The following GRHL1 variants were observed in gnomAD, a reference collection of about 807,000 sequenced individuals.
GRHL1 encodes grainyhead like transcription factor 1.
A neutral mutation model predicts 75.7 loss-of-function variants in GRHL1; 38 were observed. The observed-to-expected ratio is 0.50, with a 90% CI of 0.39 to 0.66. The LOEUF is 0.66. Among genes scored for constraint, GRHL1 ranks in the 30% least tolerant of loss-of-function variants. The probability of loss-of-function intolerance (pLI) is 0.00; values close to 1 mark genes in which losing one functional copy is unlikely to be tolerated. For missense variants in GRHL1, 589 were observed against 767.5 expected (o/e 0.77, Z 2.75); for synonymous variants, 266 against 279.4 (o/e 0.95, Z 0.48).
chr2:9,993,023 T>G lies in GRHL1; in HGVS notation c.1462-184T>G, dbSNP rs566177366. 8.4e-4 allele frequency among the ~76,000 whole-genome samples: 128 copies of G among 152,368 alleles called. 4 individuals carry two copies. In the South Asian group the frequency reaches 0.026, roughly 31 times the overall value. On this transcript the variant is annotated intron_variant, in intron 11 of 15. Coordinates refer to ENST00000324907, the MANE Select transcript of GRHL1 (RefSeq NM_198182.3). ...TACATGAACTGGCTTTAGACCAGAT[T>G]TGGCCCAACCACTGAGTTAAAGGAG...
intron 2 of GRHL1, among the ~76,000 whole-genome samples, chr2:9,958,435 C>T (rs576502806): frequency 7.9e-4 from 120 of 152,180 alleles, no homozygotes; most frequent in Middle Eastern, 3.4e-3. Flanking sequence ...CCACCTTGGC[C>T]TCCCAAAGTG....
At position 9,958,836 on chromosome 2, in the gene GRHL1, T is replaced by C. The variant is rs2125205754; in HGVS notation, c.258T>C (p.Pro86=). 6.2e-7 allele frequency: 1 copy of C among 1,613,766 alleles called. No homozygotes were observed. Among genetic ancestry groups the C allele is most frequent in the Non-Finnish European group, 8.5e-7 (1 of 1,179,702 alleles). Residue 86 remains proline, a synonymous_variant, in exon 3 of 16, where the codon CCT becomes CCC. Coordinates refer to ENST00000324907, the MANE Select transcript of GRHL1 (RefSeq NM_198182.3). ...SSTAKPEVEH[P]EPDHSKRNSI... ...CAGCAAAGCCAGAGGTGGAGCACCCTGAGCCAGATCACAGCAAAAGGTAAC... is the reference window on the plus strand; with the variant it reads ...CAGCAAAGCCAGAGGTGGAGCACCCCGAGCCAGATCACAGCAAAAGGTAAC...
chr2:9,951,924 C>G lies in GRHL1; in HGVS notation c.20+71C>G. ...AGGGGCCGCACCTGCAGCGAGCGAG[C>G]CGGGCGCAGACCCGAGGCCGCGCGG... is the stretch of plus-strand genomic sequence containing the variant. On this transcript the variant is annotated intron_variant, in intron 1 of 15. Coordinates refer to ENST00000324907, the MANE Select transcript of GRHL1 (RefSeq NM_198182.3). This position sits in a 1 kb window ranked among gnomAD's most constrained non-coding sequence, Gnocchi z 4.2. 9.3e-7 allele frequency: 1 copy of G among 1,070,668 alleles called. No homozygotes were observed. 66.3% of individuals were successfully genotyped at this position (1,070,668 alleles called of 1,614,324 possible).
chr2:9,985,537 G>A (rs1668380931), intron 8 of GRHL1, among the ~76,000 whole-genome samples: 1 of 152,330 alleles, frequency 6.6e-6, no homozygotes, highest in African/African-American at 2.4e-5. Flanking sequence ...AATGTGATTT[G>A]ATAACCAAAA....
chr2:9,977,364 A>G (rs1179680788), intron 8 of GRHL1, among the ~76,000 whole-genome samples: 1 of 152,226 alleles, frequency 6.6e-6, no homozygotes, highest in East Asian at 1.9e-4. Flanking sequence ...TCTGTCACTC[A>G]GGCTGGAGTG....
At chr2:9,980,286 G>A (rs983974134) in intron 8 of GRHL1, among the ~76,000 whole-genome samples, 1 of 151,826 alleles carries the variant, frequency 6.6e-6, no homozygotes, top group Admixed American at 6.6e-5. Flanking sequence ...TTATAAATTC[G>A]TTCAAGATCT....
rs1240185666 is a variant in GRHL1, at chr2:9,998,572, A to G, written c.1678-393A>G. 4.0e-5 allele frequency among the ~76,000 whole-genome samples: 3 copies of G among 75,306 alleles called. 1 individual carries two copies. Among genetic ancestry groups the G allele is most frequent in the African/African-American group, 1.7e-4 (3 of 17,766 alleles). 49.4% of individuals were successfully genotyped at this position (75,306 alleles called of 152,430 possible). A position where few individuals can be genotyped will look rare whatever the true frequency, so the allele number is the denominator to read the frequency against. Reference sequence around the variant, plus strand: ...TGTATATATGTGTGTACATGTATATATATACATATGTACATATATATGTAC... The same window carrying G: ...TGTATATATGTGTGTACATGTATATGTATACATATGTACATATATATGTAC... On this transcript the variant is annotated intron_variant, in intron 14 of 15. Transcript: ENST00000324907.
At chr2:9,998,671 C>CAT (rs1307281741) in intron 14 of GRHL1, among the ~76,000 whole-genome samples, 1 of 58,924 alleles carries the variant, frequency 1.7e-5, no homozygotes. Context: ...TATATGTACA[C>CAT]ATATATATAC....
In GRHL1 at chr2:9,992,037, C is replaced by G. The variant is rs553410057; in HGVS notation, c.1352C>G (p.Ser451Cys). Residue 451 changes from serine to cysteine, a missense_variant, in exon 11 of 16, where the codon TCT (serine) becomes TGT (cysteine). This residue lies in a region of GRHL1 where 192 missense variants were observed against 226.6 expected (regional missense o/e 0.85). Coordinates refer to ENST00000324907, the MANE Select transcript of GRHL1 (RefSeq NM_198182.3). The surrounding 1 kb of genome is among the most constrained non-coding windows in gnomAD (Gnocchi z 4.6). ...GATGTTAAAGTGCCACTGCTTCCCTCTCACAAGCGAATGGATATCACAGTT... is the reference window on the plus strand; with the variant it reads ...GATGTTAAAGTGCCACTGCTTCCCTGTCACAAGCGAATGGATATCACAGTT... ...VSDVKVPLLPSHKRMDITVFK... is the reference protein window; with the variant it reads ...VSDVKVPLLPCHKRMDITVFK... 1.2e-6 allele frequency: 2 copies of G among 1,608,898 alleles called. No individual in the cohort carries two copies. The highest frequency in any genetic ancestry group is 2.2e-5 in the East Asian group (1 of 44,808).
chr2:9,978,400 G>A (rs1350464979), intron 8 of GRHL1, among the ~76,000 whole-genome samples: 2 of 152,190 alleles, frequency 1.3e-5, no homozygotes, highest in African/African-American at 4.8e-5. Context: ...AGTAGACGAT[G>A]GAGGAAAGGG....
chr2:9,965,591 AT>A (rs781066851), intron 8 of GRHL1: 114 of 534,160 alleles, frequency 2.1e-4, no homozygotes, highest in Non-Finnish European at 3.7e-4. Flanking sequence ...TGTGTGAAAC[AT>A]TGAGATTAAG....
intron 9 of GRHL1, among the ~76,000 whole-genome samples, chr2:9,989,436 C>A (rs1488525207): frequency 6.6e-6 from 1 of 152,162 alleles, no homozygotes; most frequent in Non-Finnish European, 1.5e-5. Flanking sequence ...GTGTTTGTTA[C>A]TAATATGGTT....
intron 8 of GRHL1, among the ~76,000 whole-genome samples, chr2:9,969,570 G>A (rs59481421): frequency 0.011 from 1,722 of 152,298 alleles, 33 homozygotes; most frequent in African/African-American, 0.039. Flanking sequence ...ATATTATAAC[G>A]TTTGAGTTGG....
At chr2:9,959,091 C>A in intron 3 of GRHL1, 1 of 374,612 alleles carries the variant, frequency 2.7e-6, no homozygotes. Context: ...ACATTCTCCT[C>A]CTCCAAAGGG....
rs1667248917 is a variant in GRHL1 at position 9,961,107 on chromosome 2, G to A, written c.340G>A (p.Val114Ile). 2.5e-6 allele frequency: 4 copies of A among 1,577,640 alleles called. No homozygotes were observed. Among genetic ancestry groups the A allele is most frequent in the Non-Finnish European group, 3.4e-6 (4 of 1,161,068 alleles). The change falls in exon 4 of 16, where the codon GTA becomes ATA. Residue 114 changes from valine (V) to isoleucine (I), a missense_variant. By Grantham distance (29) the Val-to-Ile change is conservative. Around this residue, in one of 5 missense-constraint regions of GRHL1, gnomAD observed 362 missense variants for 461.8 expected, o/e 0.78. Transcript: ENST00000324907. ...LISAGENRVQVLKNVPFNIVL... is the reference protein window; with the variant it reads ...LISAGENRVQILKNVPFNIVL... ...CTCTGCTGGAGAAAACAGAGTGCAA[G>A]TACTGAAAAATGTGCCATTTAACAT... is the stretch of plus-strand genomic sequence containing the variant.
Position 10,000,632 on chromosome 2 carries a change from C to T in GRHL1, c.1782C>T (p.Tyr594=). Residue 594 remains tyrosine, a synonymous_variant, in exon 16 of 16, where the codon TAC becomes TAT. Coordinates refer to ENST00000324907, the MANE Select transcript of GRHL1 (RefSeq NM_198182.3). ...VNMDDNIVKH[Y]SNEDTFQLQI... ...TGGACGACAACATTGTGAAGCATTACTCCAATGAGGACACCTTCCAGCTGC... is the reference window on the plus strand; with the variant it reads ...TGGACGACAACATTGTGAAGCATTATTCCAATGAGGACACCTTCCAGCTGC... 6.2e-7 allele frequency: 1 copy of T among 1,613,352 alleles called. No homozygotes were observed. The highest frequency in any genetic ancestry group is 1.7e-5 in the Admixed American group (1 of 60,008).
intron 14 of GRHL1, among the ~76,000 whole-genome samples, chr2:9,998,221 T>A (rs897739037): frequency 6.6e-6 from 1 of 152,002 alleles, no homozygotes; most frequent in African/African-American, 2.4e-5. Flanking sequence ...CTGTTTGTCC[T>A]TGGAGCAATT....
intron 2 of GRHL1, among the ~76,000 whole-genome samples, chr2:9,957,954 C>T (rs1033760151): frequency 6.6e-6 from 1 of 152,114 alleles, no homozygotes; most frequent in Admixed American, 6.5e-5. Flanking sequence ...TGAATCCCAG[C>T]GTATCTAAAG....
At chr2:9,970,996 T>G (rs1667701054) in intron 8 of GRHL1, among the ~76,000 whole-genome samples, 1 of 152,092 alleles carries the variant, frequency 6.6e-6, no homozygotes, top group Non-Finnish European at 1.5e-5. Flanking sequence ...GAGTTCTTGG[T>G]GAGGGATTAT....
Sources: allele counts gnomAD v4.1 joint callset (sites outside exome capture counted in the v4.1 genomes callset), GRCh38; gene constraint gnomAD v4.1.1; regional missense constraint gnomAD v4.1.1; non-coding constraint Gnocchi (gnomAD v3.1); transcripts MANE v1.5; gene names NCBI Gene and HGNC (gene_info 2026-07-23, HGNC 2026-07-21).